The following RNF44 variants were observed in gnomAD, a reference collection of about 807,000 sequenced individuals.
RNF44 encodes the protein ring finger protein 44.
Under a neutral mutation model 53.6 loss-of-function variants are expected in RNF44, and 25 were observed. That is an observed-to-expected ratio of 0.47 (90% CI 0.34 to 0.65). The LOEUF is 0.65. RNF44 is among the 30% of genes least tolerant of loss of function. RNF44 has a pLI of 0.01. For missense variants in RNF44, 581 were observed against 595.5 expected, an observed-to-expected ratio of 0.98 and a Z score of 0.25; for synonymous variants, 282 against 252.2, an observed-to-expected ratio of 1.12 and a Z score of -1.12.
At chr5:176,532,273 C>T (rs1756755036) in intron 2 of RNF44, 80 bp from the exon 3 acceptor site, 1 of 1,510,894 alleles carries the variant, frequency 6.6e-7, no homozygotes, top group South Asian at 1.3e-5. Context: ...CAGGGTGACT[C>T]CCCCCATGGG....
At position 176,531,581 on chromosome 5, in the gene RNF44, G is replaced by A. The variant is rs1253979244; in HGVS notation, c.347C>T (p.Thr116Ile). The change falls in exon 4 of 11, where the codon ACC (threonine) becomes ATC (isoleucine). Residue 116 changes from threonine to isoleucine, a missense_variant. This residue lies in a region of RNF44 where 387 missense variants were observed against 366.0 expected (regional missense o/e 1.06). Transcript: ENST00000274811. The surrounding 1 kb of genome is among the most constrained non-coding windows in gnomAD (Gnocchi z 4.2). ...PLSYTVTTVT[T>I]QGFPLPTGQH... The stretch of plus-strand genomic sequence containing the variant: ...GCCTGTAGGCAAGGGGAAGCCTTGG[G>A]TCGTCACTGTGGTGACCGTGTAGGA... The A allele has an allele frequency of 1.9e-6, 3 of 1,613,502 alleles. No homozygotes were observed. Among genetic ancestry groups the A allele is most frequent in the South Asian group, 2.2e-5 (2 of 91,042 alleles).
At position 176,531,839 on chromosome 5, in the gene RNF44, T is replaced by G; in HGVS notation, c.297+165A>C. 1 of 870,066 alleles carries G rather than the reference T, an allele frequency of 1.1e-6. No individual in the cohort carries two copies. Among genetic ancestry groups the G allele is most frequent in the Non-Finnish European group, 1.7e-6 (1 of 574,302 alleles). The allele number at this position is 870,066 out of a possible 1,614,324, so 53.9% of individuals were successfully genotyped here. A position where few individuals can be genotyped will look rare whatever the true frequency, so the allele number is the denominator to read the frequency against. On this transcript the variant is annotated intron_variant, in intron 3 of 10. Coordinates refer to ENST00000274811, the MANE Select transcript of RNF44 (RefSeq NM_014901.5). The surrounding 1 kb of genome is among the most constrained non-coding windows in gnomAD (Gnocchi z 4.2). ...GAATCTAGCTCTGCTAGTCACCCAGTGTGGCCCTTTCCCCGGGCCTCAGTT... is the reference window on the plus strand; with the variant it reads ...GAATCTAGCTCTGCTAGTCACCCAGGGTGGCCCTTTCCCCGGGCCTCAGTT...
At position 176,532,000 on chromosome 5, in the gene RNF44, C is replaced by T. The variant is rs1437482005; in HGVS notation, c.297+4G>A. On this transcript the variant is annotated splice_donor_region_variant and intron_variant, in intron 3 of 10. Coordinates refer to ENST00000274811, the MANE Select transcript of RNF44 (RefSeq NM_014901.5). The surrounding 1 kb of genome is among the most constrained non-coding windows in gnomAD (Gnocchi z 4.2). ...AGGGGCACAGGGGATGGGGTTCTGCCTACCTGCTCGTGGAGATCAACCATG... is the reference window on the plus strand; with the variant it reads ...AGGGGCACAGGGGATGGGGTTCTGCTTACCTGCTCGTGGAGATCAACCATG... 6.2e-7 allele frequency: 1 copy of T among 1,607,560 alleles called. No individual in the cohort carries two copies. Among genetic ancestry groups the T allele is most frequent in the Non-Finnish European group, 8.5e-7 (1 of 1,176,952 alleles).
At chr5:176,532,276 C>A in intron 2 of RNF44, 83 bp from the exon 3 acceptor site, 2 of 1,516,436 alleles carry the variant, frequency 1.3e-6, no homozygotes, top group Non-Finnish European at 1.8e-6. Context: ...GGTGACTCCC[C>A]CCATGGGGAG....
chr5:176,531,583 C>T lies in RNF44; in HGVS notation c.345G>A (p.Thr115=), dbSNP rs776471552. Residue 115 remains threonine, a synonymous_variant, in exon 4 of 11, where the codon ACG becomes ACA. Transcript: ENST00000274811. This position sits in a 1 kb window ranked among gnomAD's most constrained non-coding sequence, Gnocchi z 4.2. ...VPLSYTVTTV[T]TQGFPLPTGQ... is the part of the protein sequence containing the mutation. The stretch of plus-strand genomic sequence containing the variant: ...CTGTAGGCAAGGGGAAGCCTTGGGT[C>T]GTCACTGTGGTGACCGTGTAGGACA... 37 of 1,613,522 alleles carry T rather than the reference C, an allele frequency of 2.3e-5. No individual in the cohort carries two copies. Among genetic ancestry groups the T allele is most frequent in the Non-Finnish European group, 2.9e-5 (34 of 1,179,838 alleles).
At chr5:176,537,793 G>A (rs900723192), upstream of RNF44, 2 of 152,232 alleles carry the variant, frequency 1.3e-5, no homozygotes, top group Non-Finnish European at 2.9e-5. Context: ...CAATGGGTCT[G>A]ACCTCTGACG....
chr5:176,535,047 G>A lies in RNF44; in HGVS notation c.-45+1893C>T, dbSNP rs568200718. Among the ~76,000 whole-genome samples, 30 of 152,346 alleles carry A rather than the reference G, an allele frequency of 2.0e-4. 1 individual carries two copies. Among genetic ancestry groups the A allele is most frequent in the African/African-American group, 5.3e-4 (22 of 41,586 alleles). ...CCCACTCCCCAGGGCAGGGAAGGTGGTAAGGAGCTGTGAAAGCAAGCCAGG... is the reference window on the plus strand; with the variant it reads ...CCCACTCCCCAGGGCAGGGAAGGTGATAAGGAGCTGTGAAAGCAAGCCAGG... On this transcript the variant is annotated intron_variant, in intron 1 of 10. Coordinates refer to ENST00000274811, the MANE Select transcript of RNF44 (RefSeq NM_014901.5).
At position 176,529,007 on chromosome 5, in the gene RNF44, C is replaced by T. The variant is rs138869460; in HGVS notation, c.*21G>A. The stretch of plus-strand genomic sequence containing the variant: ...TCCAGAGCTTCAGGCAGGGTTCTCC[C>T]GGGCAGGCGGCTGCGTGGCCTCACT... On this transcript the variant is annotated 3_prime_UTR_variant, in exon 11 of 11. Coordinates refer to ENST00000274811, the MANE Select transcript of RNF44 (RefSeq NM_014901.5). The T allele has an allele frequency of 1.2e-4, 187 of 1,606,930 alleles. 1 individual carries two copies. In the Middle Eastern group the frequency reaches 4.9e-3, roughly 42 times the overall value.
upstream of RNF44, among the ~76,000 whole-genome samples, chr5:176,540,706 G>C (rs1191888155): frequency 6.6e-6 from 1 of 152,206 alleles, no homozygotes; most frequent in Non-Finnish European, 1.5e-5. Flanking sequence ...TTCTCCTGCA[G>C]GACCAGGAAA....
At chr5:176,541,731 C>A (rs137995565), upstream of RNF44, among the ~76,000 whole-genome samples, 95 of 152,308 alleles carry the variant, frequency 6.2e-4, no homozygotes, top group Non-Finnish European at 1.0e-3. Flanking sequence ...CTCTCTCCCT[C>A]GGAGTCAGAA....
At chr5:176,533,279 G>A (rs1490643421) in intron 1 of RNF44, among the ~76,000 whole-genome samples, 1 of 152,144 alleles carries the variant, frequency 6.6e-6, no homozygotes, top group East Asian at 1.9e-4. Flanking sequence ...CTGCCCTCGG[G>A]GGCTTCCAGT....
intron 9 of RNF44, 27 bp downstream of exon 9, chr5:176,529,496 G>A: frequency 6.2e-7 from 1 of 1,613,472 alleles, no homozygotes; most frequent in Non-Finnish European, 8.5e-7. Context: ...GTGTTCAGAG[G>A]GGTGGGAGGT....
intron 1 of RNF44, among the ~76,000 whole-genome samples, chr5:176,534,353 C>A (rs1286227135): frequency 6.6e-6 from 1 of 152,274 alleles, no homozygotes; most frequent in Non-Finnish European, 1.5e-5. Flanking sequence ...CTCCAGGTCA[C>A]CCAGGCCCAA....
chr5:176,540,635 G>A (rs1757426048), upstream of RNF44, among the ~76,000 whole-genome samples: 1 of 152,224 alleles, frequency 6.6e-6, no homozygotes, highest in African/African-American at 2.4e-5. Context: ...ACAACACCCA[G>A]TCCAGGACCT....
At chr5:176,536,779 G>T (rs559385426) in intron 1 of RNF44, among the ~76,000 whole-genome samples, 161 bp downstream of exon 1, 30 of 152,022 alleles carry the variant, frequency 2.0e-4, no homozygotes, top group South Asian at 1.7e-3. Context: ...GGGGGCCTTG[G>T]GGGGGGTTCC....
In RNF44 at chr5:176,530,742, G is replaced by T; in HGVS notation, c.641C>A (p.Pro214His). 6.5e-7 allele frequency: 1 copy of T among 1,534,626 alleles called. No homozygotes were observed. Among genetic ancestry groups the T allele is most frequent in the East Asian group, 2.6e-5 (1 of 38,494 alleles). ...VSLQTQHPRMPLQRLDNDVDL... is the reference protein window; with the variant it reads ...VSLQTQHPRMHLQRLDNDVDL... ...CACGTCGTTGTCGAGCCGCTGGAGG[G>T]GCTGGAAGAACCAGCGCCGGGTCAG... Residue 214 changes from proline to histidine, a missense_variant and splice_region_variant, in exon 6 of 11, where the codon CCC becomes CAC. Pro to His is a moderately conservative substitution (Grantham distance 77). Coordinates refer to ENST00000274811, the MANE Select transcript of RNF44 (RefSeq NM_014901.5).
upstream of RNF44, among the ~76,000 whole-genome samples, chr5:176,539,504 ATGG>A (rs1561859038): frequency 6.6e-6 from 1 of 152,192 alleles, no homozygotes; most frequent in East Asian, 1.9e-4. Flanking sequence ...CCTGACCAAC[ATGG>A]TGAAACCCTG....
chr5:176,530,968 G>T lies in RNF44; in HGVS notation c.519C>A (p.Pro173=). 1 of 1,456,820 alleles carries T rather than the reference G, an allele frequency of 6.9e-7. No individual in the cohort carries two copies. 90.2% of individuals were successfully genotyped at this position (1,456,820 alleles called of 1,614,324 possible). ...QQLPVPYQAY[P]HLISSDHYIL... is the part of the protein sequence containing the mutation. ...TGTAGTGGTCACTGGAGATGAGGTG[G>T]GGGTAGGCCTGATAGGGCACAGGCA... is the stretch of plus-strand genomic sequence containing the variant. The change falls in exon 5 of 11, where the codon CCC becomes CCA. Residue 173 remains proline (P), a synonymous_variant. Transcript: ENST00000274811.
intron 2 of RNF44, 32 bp downstream of exon 2, chr5:176,532,334 C>A: frequency 1.3e-6 from 2 of 1,582,078 alleles, no homozygotes; most frequent in Non-Finnish European, 1.7e-6. Flanking sequence ...GCCCCCATGC[C>A]CCAGCACCAG....
Sources: gnomAD v4.1 joint callset for allele counts (sites outside exome capture counted in the v4.1 genomes callset) on GRCh38, gnomAD v4.1.1 for gene constraint, gnomAD v4.1.1 regional missense constraint, Gnocchi (gnomAD v3.1) non-coding constraint, MANE v1.5 for transcripts, NCBI Gene and HGNC (gene_info 2026-07-23, HGNC 2026-07-21) for gene names.